Variants in LDLRAD3 observed in about 807,000 individuals in gnomAD.
The protein encoded by LDLRAD3 is low density lipoprotein receptor class A domain containing 3, also known as low-density lipoprotein receptor class A domain-containing protein 3.
A neutral mutation model predicts 29.4 loss-of-function variants in LDLRAD3; 20 were observed. The ratio of observed to expected loss-of-function variants is 0.68; its 90% CI spans 0.48 to 0.99. The LOEUF (loss-of-function observed/expected upper bound fraction) is 0.99, where lower values mean the gene tolerates loss of function less well. Among genes scored for constraint, LDLRAD3 ranks in the 50% least tolerant of loss-of-function variants. The probability of loss-of-function intolerance (pLI) is 0.00; values close to 1 mark genes in which losing one functional copy is unlikely to be tolerated. For synonymous variants in LDLRAD3, 157 were observed against 192.7 expected (o/e 0.81, Z 1.53); for missense variants, 420 against 454.3 (o/e 0.92, Z 0.69).
intron 4 of LDLRAD3, among the ~76,000 whole-genome samples, chr11:36,121,576 T>A (rs552575347): frequency 1.3e-5 from 2 of 152,170 alleles, no homozygotes; most frequent in Non-Finnish European, 2.9e-5. Context: ...ATCAAATTAT[T>A]ATGGTTCGGG....
chr11:36,095,450 C>G (rs1404401000), intron 3 of LDLRAD3, among the ~76,000 whole-genome samples: 5 of 152,158 alleles, frequency 3.3e-5, no homozygotes, highest in Admixed American at 2.6e-4. Context: ...TTTGCTGTTC[C>G]TCTTATGTCA....
chr11:36,226,164 G>A (rs948808088), intron 4 of LDLRAD3, among the ~76,000 whole-genome samples: 4 of 152,160 alleles, frequency 2.6e-5, no homozygotes, highest in Non-Finnish European at 5.9e-5. Context: ...ATGTTCAGGG[G>A]CCTGATGAGT....
intron 4 of LDLRAD3, among the ~76,000 whole-genome samples, chr11:36,131,818 C>A (rs1442159566): frequency 6.6e-6 from 1 of 152,186 alleles, no homozygotes; most frequent in Non-Finnish European, 1.5e-5. Context: ...CTATATCACA[C>A]ATCTTGCCTC....
intron 4 of LDLRAD3, among the ~76,000 whole-genome samples, chr11:36,117,091 A>C (rs10742361): frequency 1.3e-5 from 2 of 151,886 alleles, no homozygotes; most frequent in Non-Finnish European, 2.9e-5. Flanking sequence ...TCTACCCACC[A>C]GTGATCTGCC....
At chr11:36,222,341 T>C (rs1412871529) in intron 4 of LDLRAD3, among the ~76,000 whole-genome samples, 2 of 152,048 alleles carry the variant, frequency 1.3e-5, no homozygotes, top group Non-Finnish European at 2.9e-5. Context: ...TACTTTCACC[T>C]CCCAAAGAGC....
At chr11:36,075,882 C>A (rs909890525) in intron 2 of LDLRAD3, among the ~76,000 whole-genome samples, 2 of 152,164 alleles carry the variant, frequency 1.3e-5, no homozygotes, top group Non-Finnish European at 2.9e-5. Context: ...CTAGCTTTGG[C>A]TATTGGGAAC....
At chr11:36,108,630 C>T (rs1050365397) in intron 4 of LDLRAD3, among the ~76,000 whole-genome samples, 1 of 151,892 alleles carries the variant, frequency 6.6e-6, no homozygotes, top group Non-Finnish European at 1.5e-5. Context: ...AGTTACTGGA[C>T]AAGAGAGAGG....
At position 36,098,402 on chromosome 11, in the gene LDLRAD3, G is replaced by A; in HGVS notation, c.395G>A (p.Cys132Tyr). Reference protein sequence around the residue: ...NGLCIDKSFICDGQNNCQDNS... With the variant: ...NGLCIDKSFIYDGQNNCQDNS... Reference sequence around the variant, plus strand: ...CTCTGTATTGACAAGAGCTTCATCTGCGATGGACAGAATAACTGTCAAGAC... The same window carrying A: ...CTCTGTATTGACAAGAGCTTCATCTACGATGGACAGAATAACTGTCAAGAC... The change falls in exon 4 of 6, where the codon TGC (cysteine) becomes TAC (tyrosine). Residue 132 changes from cysteine (C) to tyrosine (Y), a missense_variant. Transcript: ENST00000315571. 1 of 1,614,170 alleles carries A rather than the reference G, an allele frequency of 6.2e-7. No individual in the cohort carries two copies. Among genetic ancestry groups the A allele is most frequent in the Non-Finnish European group, 8.5e-7 (1 of 1,180,022 alleles).
chr11:36,073,814 T>G (rs981821917), intron 2 of LDLRAD3, among the ~76,000 whole-genome samples: 9 of 152,232 alleles, frequency 5.9e-5, no homozygotes, highest in African/African-American at 2.2e-4. Context: ...ATTATTCATA[T>G]TTTCACTCTT....
At chr11:36,227,478 G>A (rs767629424) in intron 5 of LDLRAD3, 48 bp downstream of exon 5, 101 of 1,386,900 alleles carry the variant, frequency 7.3e-5, no homozygotes, top group East Asian at 4.7e-5. Flanking sequence ...CATCCATTGC[G>A]GGGAGGGGAA....
chr11:36,058,089 A>G (rs1157984870), intron 2 of LDLRAD3, among the ~76,000 whole-genome samples: 1 of 152,026 alleles, frequency 6.6e-6, no homozygotes, highest in African/African-American at 2.4e-5. Context: ...AATAACAACA[A>G]CCCTCCAGTG....
intron 3 of LDLRAD3, among the ~76,000 whole-genome samples, chr11:36,097,073 G>T (rs1361301542): frequency 6.6e-6 from 1 of 152,118 alleles, no homozygotes; most frequent in Non-Finnish European, 1.5e-5. Flanking sequence ...TGCTGACCTT[G>T]TACTGGCCAG....
In LDLRAD3 at chr11:36,070,967, G is replaced by T. The variant is rs4480520; in HGVS notation, c.194-10686G>T. Among the ~76,000 whole-genome samples the T allele has an allele frequency of 4.2e-3, 642 of 152,272 alleles. 7 individuals are homozygous for T. The highest frequency in any genetic ancestry group is 0.015 in the African/African-American group (622 of 41,546). On this transcript the variant is annotated intron_variant, in intron 2 of 5. Transcript: ENST00000315571. ...GAAGGAGGATGCTGCATTTTGCCAT[G>T]ATTCCTGCAACCCAGAGAAACCAAT...
intron 4 of LDLRAD3, among the ~76,000 whole-genome samples, chr11:36,111,664 G>A (rs1460993023): frequency 2.6e-5 from 4 of 151,032 alleles, no homozygotes; most frequent in East Asian, 1.9e-4. Context: ...GCAGTAGAGC[G>A]ATCTCAGCTC....
chr11:36,049,719 C>A (rs1852502308), intron 2 of LDLRAD3, among the ~76,000 whole-genome samples: 1 of 152,156 alleles, frequency 6.6e-6, no homozygotes, highest in African/African-American at 2.4e-5. Flanking sequence ...TGCAAGTATT[C>A]CATGTTCTAT....
chr11:35,973,067 A>AG (rs1468727936), intron 1 of LDLRAD3, among the ~76,000 whole-genome samples: 1 of 151,478 alleles, frequency 6.6e-6, no homozygotes, highest in East Asian at 1.9e-4. Flanking sequence ...AAAAAAAAAA[A>AG]AAAAAAGGGA....
chr11:36,096,657 G>T (rs911903137), intron 3 of LDLRAD3, among the ~76,000 whole-genome samples: 1 of 152,266 alleles, frequency 6.6e-6, no homozygotes, highest in African/African-American at 2.4e-5. Flanking sequence ...GATTAATGCC[G>T]TAAGTAGCAG....
At chr11:36,108,250 G>A (rs1460527835) in intron 4 of LDLRAD3, among the ~76,000 whole-genome samples, 1 of 144,156 alleles carries the variant, frequency 6.9e-6, no homozygotes, top group Non-Finnish European at 1.5e-5. Flanking sequence ...AACCCAGGAG[G>A]CAGAGCTTCC....
At chr11:36,052,546 C>G (rs1431704154) in intron 2 of LDLRAD3, among the ~76,000 whole-genome samples, 2 of 152,158 alleles carry the variant, frequency 1.3e-5, no homozygotes, top group African/African-American at 2.4e-5. Flanking sequence ...GCATGGGAGG[C>G]AGTGTGTGGA....
Sources: allele counts gnomAD v4.1 joint callset (sites outside exome capture counted in the v4.1 genomes callset), GRCh38; gene constraint gnomAD v4.1.1; transcripts MANE v1.5; gene names NCBI Gene and HGNC (gene_info 2026-07-23, HGNC 2026-07-21).